The following RALGPS1 variants were observed in gnomAD, a reference collection of about 807,000 sequenced individuals.
RALGPS1 encodes ras-specific guanine nucleotide-releasing factor RalGPS1.
In RALGPS1, 19 loss-of-function variants were observed where a neutral mutation model predicts 78.8. The ratio of observed to expected loss-of-function variants is 0.24; its 90% CI spans 0.17 to 0.35. The LOEUF (loss-of-function observed/expected upper bound fraction) is 0.35. Ranked by LOEUF, RALGPS1 falls within the 10% of genes least tolerant of loss-of-function variation. The pLI, the probability that RALGPS1 is intolerant of heterozygous loss-of-function variation, is 1.00. For missense variants in RALGPS1, 454 were observed against 688.3 expected (o/e 0.66, Z 3.81); for synonymous variants, 228 against 256.3 (o/e 0.89, Z 1.06).
chr9:127,108,265 G>A (rs528804006), intron 8 of RALGPS1: 1 of 1,614,026 alleles, frequency 6.2e-7, no homozygotes, highest in East Asian at 2.2e-5. Flanking sequence ...CTCCAGCTGG[G>A]AGAGCTCCAA....
At chr9:127,192,896 G>A (rs956782532) in intron 11 of RALGPS1, among the ~76,000 whole-genome samples, 1 of 152,104 alleles carries the variant, frequency 6.6e-6, no homozygotes, top group African/African-American at 2.4e-5. Flanking sequence ...GAGAAGGAGT[G>A]ACCCCGAGCA....
At chr9:126,975,677 CAT>C (rs2040539707) in intron 3 of RALGPS1, among the ~76,000 whole-genome samples, 1 of 152,146 alleles carries the variant, frequency 6.6e-6, no homozygotes, top group Non-Finnish European at 1.5e-5. Context: ...CTGCTCAGGA[CAT>C]AGTTCTGAGC....
chr9:127,154,440 T>C (rs991692519), intron 8 of RALGPS1, among the ~76,000 whole-genome samples: 3 of 152,250 alleles, frequency 2.0e-5, no homozygotes, highest in African/African-American at 7.2e-5. Context: ...TCAAAACACC[T>C]GAGCCTGAAA....
chr9:127,050,328 G>T (rs946511879), intron 6 of RALGPS1, among the ~76,000 whole-genome samples, 196 bp downstream of exon 6: 17 of 152,152 alleles, frequency 1.1e-4, no homozygotes, highest in Non-Finnish European at 2.4e-4. Flanking sequence ...TAGCCCCCTA[G>T]CACCTTGTGC....
At chr9:127,118,435 A>G (rs984644699) in intron 8 of RALGPS1, among the ~76,000 whole-genome samples, 1 of 152,278 alleles carries the variant, frequency 6.6e-6, no homozygotes, top group Non-Finnish European at 1.5e-5. Context: ...TTCACAAAAA[A>G]GAAATGCTAT....
At chr9:127,210,486 ACT>A in intron 14 of RALGPS1, 4 of 583,476 alleles carry the variant, frequency 6.9e-6, no homozygotes, top group Middle Eastern at 4.5e-4. Flanking sequence ...AGACTTGGAG[ACT>A]CTGAGGGGTG....
At chr9:126,952,628 T>TGAGAGAGA (rs34773282) in intron 1 of RALGPS1, among the ~76,000 whole-genome samples, 1 of 138,908 alleles carries the variant, frequency 7.2e-6, no homozygotes, top group African/African-American at 2.6e-5. Context: ...TGGCTGTGGC[T>TGAGAGAGA]GAGAGAGAGA....
chr9:127,034,113 A>G (rs1055279378), intron 4 of RALGPS1, among the ~76,000 whole-genome samples: 27 of 152,218 alleles, frequency 1.8e-4, no homozygotes, highest in African/African-American at 6.5e-4. Context: ...GTGCCCCCTC[A>G]GACAATTTGC....
chr9:127,113,595 A>G (rs1198107226), intron 8 of RALGPS1, among the ~76,000 whole-genome samples: 2 of 150,900 alleles, frequency 1.3e-5, no homozygotes, highest in African/African-American at 4.9e-5. Context: ...CCTGTGTCCA[A>G]CAAAGAAAAG....
chr9:126,916,292 G>T (rs1392124015), intron 1 of RALGPS1, among the ~76,000 whole-genome samples: 1 of 152,208 alleles, frequency 6.6e-6, no homozygotes, highest in Non-Finnish European at 1.5e-5. Flanking sequence ...CTTGGATCGT[G>T]ACTGCTTCTC....
At chr9:127,176,432 G>A (rs527937136) in intron 11 of RALGPS1, among the ~76,000 whole-genome samples, 14 of 152,300 alleles carry the variant, frequency 9.2e-5, no homozygotes, top group Non-Finnish European at 1.9e-4. Flanking sequence ...AGCAGGGCAG[G>A]GTTCCTATCA....
intron 8 of RALGPS1, among the ~76,000 whole-genome samples, chr9:127,155,484 G>A (rs1295300125): frequency 6.6e-6 from 1 of 152,192 alleles, no homozygotes; most frequent in Non-Finnish European, 1.5e-5. Context: ...CTGCATGGAG[G>A]GGCTGGCATA....
intron 2 of RALGPS1, among the ~76,000 whole-genome samples, chr9:126,962,984 T>C (rs2039051522): frequency 6.6e-6 from 1 of 152,240 alleles, no homozygotes; most frequent in Non-Finnish European, 1.5e-5. Context: ...GCTTTTGAAG[T>C]GATCCTGGGT....
chr9:127,050,240 C>G, intron 6 of RALGPS1, 108 bp downstream of exon 6: 3 of 924,068 alleles, frequency 3.2e-6, no homozygotes, highest in Non-Finnish European at 5.1e-6. Flanking sequence ...TGTGGGCCTG[C>G]CAGGCACAGT....
chr9:127,111,784 A>G (rs1277780933), intron 8 of RALGPS1, among the ~76,000 whole-genome samples: 2 of 152,234 alleles, frequency 1.3e-5, no homozygotes, highest in African/African-American at 4.8e-5. Flanking sequence ...TGACTTGCCC[A>G]AAATCAGAAA....
At chr9:127,033,741 T>C (rs925663739) in intron 4 of RALGPS1, among the ~76,000 whole-genome samples, 2 of 152,246 alleles carry the variant, frequency 1.3e-5, no homozygotes, top group Non-Finnish European at 2.9e-5. Context: ...GCTCCTATTG[T>C]GTCCAGCTTT....
chr9:127,136,500 G>A (rs916655424), intron 8 of RALGPS1, among the ~76,000 whole-genome samples: 5 of 152,170 alleles, frequency 3.3e-5, no homozygotes, highest in African/African-American at 1.2e-4. Flanking sequence ...TTGCATGCCA[G>A]CTCCCTGCAT....
At chr9:127,129,150 G>A (rs1039807123) in intron 8 of RALGPS1, among the ~76,000 whole-genome samples, 3 of 152,088 alleles carry the variant, frequency 2.0e-5, no homozygotes, top group Non-Finnish European at 2.9e-5. Flanking sequence ...ATTTTGTTTC[G>A]TAACAGTATT....
At position 127,200,681 on chromosome 9, in the gene RALGPS1, A is replaced by T. The variant is rs972603256; in HGVS notation, c.1247+1615A>T. Among the ~76,000 whole-genome samples, 4 of 152,216 alleles carry T rather than the reference A, an allele frequency of 2.6e-5. No individual in the cohort carries two copies. In the East Asian group the frequency reaches 7.7e-4, roughly 29 times the overall value. ...TCTGGGTTGCTCAGGCAAATGGGCCAATAGCTTTCACCCTGGGAGCCACCC... is the reference window on the plus strand; with the variant it reads ...TCTGGGTTGCTCAGGCAAATGGGCCTATAGCTTTCACCCTGGGAGCCACCC... On this transcript the variant is annotated intron_variant, in intron 14 of 18. Coordinates refer to ENST00000259351, the MANE Select transcript of RALGPS1 (RefSeq NM_014636.3).
Sources: allele counts gnomAD v4.1 joint callset (sites outside exome capture counted in the v4.1 genomes callset), GRCh38; gene constraint gnomAD v4.1.1; transcripts MANE v1.5; gene names NCBI Gene and HGNC (gene_info 2026-07-23, HGNC 2026-07-21).